The following GRM7 variants were observed in gnomAD, a reference collection of about 807,000 sequenced individuals.
GRM7 encodes glutamate metabotropic receptor 7, also known as metabotropic glutamate receptor 7.
Under a neutral mutation model 84.5 loss-of-function variants are expected in GRM7, and 35 were observed. The ratio of observed to expected loss-of-function variants is 0.41; its 90% confidence interval spans 0.32 to 0.55. The LOEUF is 0.55. Among genes scored for constraint, GRM7 ranks in the 20% least tolerant of loss-of-function variants. The probability of loss-of-function intolerance (pLI) is 0.19; values close to 1 mark genes in which losing one functional copy is unlikely to be tolerated. For missense variants in GRM7, 1,003 were observed against 1,194.6 expected (o/e 0.84, Z 2.36); for synonymous variants, 487 against 455.1 (o/e 1.07, Z -0.89).
intron 4 of GRM7, among the ~76,000 whole-genome samples, chr3:7,368,703 T>A (rs909193208): frequency 7.2e-5 from 11 of 152,264 alleles, no homozygotes; most frequent in African/African-American, 2.4e-4. Flanking sequence ...TGAACACTAC[T>A]GTTTGGTTGT....
At chr3:6,987,566 G>A (rs1694464260) in intron 1 of GRM7, among the ~76,000 whole-genome samples, 1 of 152,200 alleles carries the variant, frequency 6.6e-6, no homozygotes, top group African/African-American at 2.4e-5. Context: ...CAAGGCAGGA[G>A]TGAACGTGAG....
intron 2 of GRM7, among the ~76,000 whole-genome samples, chr3:7,226,045 T>G (rs1000405012): frequency 6.6e-6 from 1 of 152,188 alleles, no homozygotes; most frequent in African/African-American, 2.4e-5. Context: ...ATAAAATAAT[T>G]TTCACTTATT....
At chr3:7,153,641 A>G (rs1574967620) in intron 2 of GRM7, among the ~76,000 whole-genome samples, 1 of 152,156 alleles carries the variant, frequency 6.6e-6, no homozygotes, top group African/African-American at 2.4e-5. Context: ...GTGATCATTG[A>G]TCTGCTATAA....
intron 8 of GRM7, among the ~76,000 whole-genome samples, chr3:7,589,442 C>T (rs772880092): frequency 6.6e-6 from 1 of 152,128 alleles, no homozygotes; most frequent in Non-Finnish European, 1.5e-5. Context: ...TAAATTTGGA[C>T]ATTACCCAGT....
intron 8 of GRM7, among the ~76,000 whole-genome samples, chr3:7,641,122 A>T (rs1193500699): frequency 1.3e-5 from 2 of 152,158 alleles, no homozygotes; most frequent in Non-Finnish European, 2.9e-5. Flanking sequence ...TTTCCTAGTG[A>T]TTGTTTGCAA....
intron 1 of GRM7, among the ~76,000 whole-genome samples, chr3:7,131,429 CT>C (rs1391667530): frequency 1.3e-5 from 2 of 152,126 alleles, no homozygotes; most frequent in African/African-American, 2.4e-5. Flanking sequence ...CATCTCTTAT[CT>C]ATCCTTCTAA....
At chr3:7,121,331 A>G (rs1016558402) in intron 1 of GRM7, among the ~76,000 whole-genome samples, 4 of 123,050 alleles carry the variant, frequency 3.3e-5, no homozygotes, top group African/African-American at 7.3e-5. Flanking sequence ...CCATCCATCT[A>G]TTCATCCATC....
At chr3:6,907,226 T>G (rs1363029625) in intron 1 of GRM7, among the ~76,000 whole-genome samples, 7 of 152,142 alleles carry the variant, frequency 4.6e-5, no homozygotes, top group African/African-American at 1.7e-4. Context: ...TAAAAAATAC[T>G]AAATTCTTGA....
At chr3:7,219,626 G>T (rs1696733048) in intron 2 of GRM7, among the ~76,000 whole-genome samples, 1 of 152,176 alleles carries the variant, frequency 6.6e-6, no homozygotes, top group African/African-American at 2.4e-5. Context: ...ATATATGCAG[G>T]TAGTTACATA....
chr3:7,213,420 C>T (rs973149050), intron 2 of GRM7, among the ~76,000 whole-genome samples: 2 of 152,150 alleles, frequency 1.3e-5, no homozygotes, highest in African/African-American at 4.8e-5. Context: ...AGATCACCCG[C>T]TTCAATCTCT....
chr3:6,956,712 A>G (rs1693070119), intron 1 of GRM7: 3 of 451,850 alleles, frequency 6.6e-6, no homozygotes, highest in South Asian at 3.1e-5. Context: ...AAAAAGGTTT[A>G]TATCTCACAA....
intron 1 of GRM7, among the ~76,000 whole-genome samples, chr3:7,088,621 G>GA (rs1373887928): frequency 7.6e-6 from 1 of 131,892 alleles, no homozygotes; most frequent in Non-Finnish European, 1.6e-5. Context: ...ATCGTTGAAT[G>GA]AATCCTTTTG....
rs568803942 is a variant in GRM7, at chr3:7,646,688, A to G, written c.2452-33361A>G. Among the ~76,000 whole-genome samples, 14 of 152,180 alleles carry G rather than the reference A, an allele frequency of 9.2e-5. No homozygotes were observed. In the East Asian group the frequency reaches 2.5e-3, roughly 27 times the overall value. On this transcript the variant is annotated intron_variant, in intron 8 of 9. Transcript: ENST00000357716. ...ACAAACCTTCCTGTGCTTCATGGTG[A>G]TTTTGGGGGGGAAGGTTATATGTAT...
At chr3:7,444,310 A>T (rs560557563) in intron 5 of GRM7, among the ~76,000 whole-genome samples, 1 of 152,300 alleles carries the variant, frequency 6.6e-6, no homozygotes, top group East Asian at 1.9e-4. Context: ...TAGAAAGAAT[A>T]CTTTTTCAAT....
At chr3:6,870,564 G>C (rs1027253832) in intron 1 of GRM7, among the ~76,000 whole-genome samples, 2 of 152,132 alleles carry the variant, frequency 1.3e-5, no homozygotes, top group African/African-American at 4.8e-5. Context: ...TTTTAGCAGA[G>C]GTATGAGATG....
intron 1 of GRM7, among the ~76,000 whole-genome samples, chr3:6,941,658 G>T: frequency 6.6e-6 from 1 of 152,184 alleles, no homozygotes; most frequent in East Asian, 1.9e-4. Context: ...AAATTATTTG[G>T]TTTCGAGTGG....
chr3:7,098,985 T>C lies in GRM7; in HGVS notation c.520-47467T>C, dbSNP rs568386043. 3.9e-5 allele frequency among the ~76,000 whole-genome samples: 6 copies of C among 151,974 alleles called. No individual in the cohort carries two copies. In the East Asian group the frequency reaches 7.7e-4, roughly 20 times the overall value. ...GGGTTTTTCTTTATTTCAGTACTTA[T>C]GAAGTTTTAGCATTATCTTTTTAAT... On this transcript the variant is annotated intron_variant, in intron 1 of 9. Coordinates refer to ENST00000357716, the MANE Select transcript of GRM7 (RefSeq NM_000844.4).
At chr3:7,126,503 T>C (rs1233307620) in intron 1 of GRM7, among the ~76,000 whole-genome samples, 1 of 152,080 alleles carries the variant, frequency 6.6e-6, no homozygotes, top group African/African-American at 2.4e-5. Flanking sequence ...TATGAACCGG[T>C]GGTTGAATGA....
At chr3:6,876,927 C>T (rs1018843153) in intron 1 of GRM7, among the ~76,000 whole-genome samples, 1 of 152,006 alleles carries the variant, frequency 6.6e-6, no homozygotes. Context: ...GTTGTGTAAC[C>T]CTACGAAGGT....
Sources: allele counts gnomAD v4.1 joint callset (sites outside exome capture counted in the v4.1 genomes callset), GRCh38; gene constraint gnomAD v4.1.1; transcripts MANE v1.5; gene names NCBI Gene and HGNC (gene_info 2026-07-23, HGNC 2026-07-21).